Variants in RBL1 observed in about 807,000 individuals in gnomAD.
The protein encoded by RBL1 is retinoblastoma-like protein 1.
In RBL1, 82 loss-of-function variants were observed where a neutral mutation model predicts 123.0. The observed-to-expected ratio is 0.67, with a 90% CI of 0.56 to 0.80. The LOEUF (loss-of-function observed/expected upper bound fraction) is 0.80, where lower values mean the gene tolerates loss of function less well. Among genes scored for constraint, RBL1 ranks in the 30% least tolerant of loss-of-function variants. RBL1 has a pLI of 0.00. For missense variants in RBL1, 1,171 were observed against 1,299.6 expected, an observed-to-expected ratio of 0.90 and a Z score of 1.52; for synonymous variants, 405 against 441.3, an observed-to-expected ratio of 0.92 and a Z score of 1.03.
intron 21 of RBL1, among the ~76,000 whole-genome samples, chr20:37,003,185 G>C (rs778564671): frequency 6.6e-6 from 1 of 152,138 alleles, no homozygotes; most frequent in Non-Finnish European, 1.5e-5. Context: ...GACTTCTGGA[G>C]ACATACTGAA....
At chr20:37,040,675 T>C (rs2064708422) in intron 13 of RBL1, among the ~76,000 whole-genome samples, 1 of 152,202 alleles carries the variant, frequency 6.6e-6, no homozygotes, top group Non-Finnish European at 1.5e-5. Context: ...TCTTAACTTT[T>C]TTTTACTATT....
rs768773880 is a variant in RBL1 at position 37,020,701 on chromosome 20, T to A, written c.2589A>T (p.Glu863Asp). The change falls in exon 18 of 22, where the codon GAA becomes GAT. Residue 863 changes from glutamate to aspartate, a missense_variant. Transcript: ENST00000373664. ...KVTKEERTFQEIMKSYRNQPQ... is the reference protein window; with the variant it reads ...KVTKEERTFQDIMKSYRNQPQ... ...GCTGATTCCTATAACTTTTCATAAT[T>A]TCTTGAAAAGTTCTTTCTTCTTTTG... The A allele has an allele frequency of 1.3e-6, 2 of 1,589,356 alleles. No individual in the cohort carries two copies. The highest frequency in any genetic ancestry group is 4.5e-5 in the East Asian group (2 of 44,686).
rs1240828089 is a variant in RBL1 at position 37,040,221 on chromosome 20, A to T, written c.1835T>A (p.Met612Lys). The T allele has an allele frequency of 6.2e-7, 1 of 1,614,164 alleles. No individual in the cohort carries two copies. The highest frequency in any genetic ancestry group is 2.2e-5 in the East Asian group (1 of 44,880). Residue 612 changes from methionine to lysine, a missense_variant, in exon 14 of 22, where the codon ATG becomes AAG. Physicochemically the swap from Met to Lys is moderately conservative, Grantham distance 95. Transcript: ENST00000373664. Reference protein sequence around the residue: ...GGNVQGHLPLMPMSPLMHPRV... With the variant: ...GGNVQGHLPLKPMSPLMHPRV... ...TGGGTGCATTAGAGGAGACATTGGCATCAGGGGAAGATGTCCCTGCACATT... is the reference window on the plus strand; with the variant it reads ...TGGGTGCATTAGAGGAGACATTGGCTTCAGGGGAAGATGTCCCTGCACATT...
chr20:37,068,209 A>T (rs1397771630), intron 2 of RBL1, 23 bp from the exon 3 acceptor site: 6 of 1,532,200 alleles, frequency 3.9e-6, no homozygotes, highest in Non-Finnish European at 5.2e-6. Context: ...AGGAGGAGAA[A>T]AAAGGCACCT....
At chr20:37,078,896 G>A (rs1347115638) in intron 2 of RBL1, among the ~76,000 whole-genome samples, 1 of 151,546 alleles carries the variant, frequency 6.6e-6, no homozygotes, top group East Asian at 1.9e-4. Flanking sequence ...GGCGGGCAGG[G>A]GGAAGGTATA....
At chr20:37,078,063 A>T (rs1372673058) in intron 2 of RBL1, among the ~76,000 whole-genome samples, 1 of 152,162 alleles carries the variant, frequency 6.6e-6, no homozygotes, top group Non-Finnish European at 1.5e-5. Flanking sequence ...TATTTGTAGT[A>T]TGTCCCTAAT....
At chr20:37,090,154 C>A (rs376503124) in intron 1 of RBL1, among the ~76,000 whole-genome samples, 1 of 152,302 alleles carries the variant, frequency 6.6e-6, no homozygotes, top group East Asian at 1.9e-4. Context: ...CACATACTCA[C>A]CATTATAGTT....
At chr20:37,020,375 C>CTGTAT (rs1178481010) in intron 18 of RBL1, among the ~76,000 whole-genome samples, 2 of 152,092 alleles carry the variant, frequency 1.3e-5, no homozygotes, top group African/African-American at 4.8e-5. Context: ...AGGCGTGAGA[C>CTGTAT]ACCGCACCCA....
At chr20:37,057,884 G>A (rs867809077) in intron 9 of RBL1, among the ~76,000 whole-genome samples, 2 of 152,036 alleles carry the variant, frequency 1.3e-5, no homozygotes, top group African/African-American at 4.8e-5. Flanking sequence ...CCAGCACTTT[G>A]GGAGGCCAGG....
At chr20:37,001,226 C>A (rs1376885044) in intron 21 of RBL1, among the ~76,000 whole-genome samples, 5 of 151,720 alleles carry the variant, frequency 3.3e-5, no homozygotes, top group Admixed American at 3.3e-4. Context: ...AGTGAGGAGC[C>A]CCTCTGCCCG....
intron 3 of RBL1, 48 bp downstream of exon 3, chr20:37,067,938 G>A: frequency 6.4e-7 from 1 of 1,574,652 alleles, no homozygotes; most frequent in Non-Finnish European, 8.6e-7. Flanking sequence ...TATTCTCTTA[G>A]TTTGTATCAT....
intron 1 of RBL1, among the ~76,000 whole-genome samples, chr20:37,093,175 T>A (rs894677676): frequency 2.0e-5 from 3 of 151,930 alleles, no homozygotes; most frequent in Admixed American, 1.3e-4. Flanking sequence ...TAAGCAGGAG[T>A]TTGTCAGGTA....
intron 16 of RBL1, among the ~76,000 whole-genome samples, chr20:37,031,906 T>C (rs899072369): frequency 1.0e-5 from 1 of 96,376 alleles, no homozygotes; most frequent in African/African-American, 3.4e-5. Flanking sequence ...ACCTGGCTGC[T>C]TTTTTTTTTT....
intron 14 of RBL1, among the ~76,000 whole-genome samples, chr20:37,038,581 G>A (rs1249121378): frequency 6.7e-6 from 1 of 148,864 alleles, no homozygotes; most frequent in African/African-American, 2.5e-5. Context: ...TTACAGGAAT[G>A]AGCCACTGTG....
In RBL1 at chr20:37,003,625, GAAAA is replaced by G. The variant is rs533001306; in HGVS notation, c.3036+73_3036+76del. The stretch of plus-strand genomic sequence containing the variant: ...GTATAGTAGTAACTTGGCCAAAAAA[GAAAA>G]AAAAAAAAAGAGGCAGGATTAACAG... On this transcript the variant is annotated intron_variant, in intron 21 of 21. Coordinates refer to ENST00000373664, the MANE Select transcript of RBL1 (RefSeq NM_002895.5). The G allele has an allele frequency of 1.9e-5, 22 of 1,151,810 alleles. No individual in the cohort carries two copies. The South Asian group carries it at 4.5e-4, about 23-fold the overall frequency. 71.3% of individuals were successfully genotyped at this position (1,151,810 alleles called of 1,614,324 possible).
chr20:37,044,679 T>C (rs6124577), intron 12 of RBL1, among the ~76,000 whole-genome samples: 21,072 of 152,202 alleles, frequency 0.14, 2,170 homozygotes, highest in East Asian at 0.48. Flanking sequence ...AAGTCATCTT[T>C]GAACCATAAT....
chr20:37,022,558 C>T (rs2064357178), intron 17 of RBL1, 92 bp downstream of exon 17: 1 of 1,207,588 alleles, frequency 8.3e-7, no homozygotes, highest in Non-Finnish European at 1.1e-6. Context: ...AAATCCTGGG[C>T]TCAAGCTATC....
In RBL1 at chr20:37,061,243, T is replaced by C; in HGVS notation, c.1110A>G (p.Pro370=). 6.2e-7 allele frequency: 1 copy of C among 1,613,230 alleles called. No homozygotes were observed. Among genetic ancestry groups the C allele is most frequent in the South Asian group, 1.1e-5 (1 of 90,768 alleles). Residue 370 remains proline (P), a synonymous_variant, in exon 9 of 22, where the codon CCA becomes CCG. Coordinates refer to ENST00000373664, the MANE Select transcript of RBL1 (RefSeq NM_002895.5). The stretch of plus-strand genomic sequence containing the variant: ...CTCGTAAATATCTCCGTCCGGTCAG[T>C]GGGGTAGAAGGTGCAAATGACCTTT... The part of the protein sequence containing the change: ...EKKRSFAPST[P]LTGRRYLREK...
At position 37,022,804 on chromosome 20, in the gene RBL1, C is replaced by T. The variant is rs1350357664; in HGVS notation, c.2405G>A (p.Arg802His). 7.5e-6 allele frequency: 12 copies of T among 1,610,466 alleles called. No individual in the cohort carries two copies. The highest frequency in any genetic ancestry group is 1.7e-5 in the Admixed American group (1 of 59,432). The change falls in exon 17 of 22, where the codon CGC becomes CAC. Residue 802 changes from arginine (R) to histidine (H), a missense_variant. By Grantham distance (29) the Arg-to-His change is conservative. Coordinates refer to ENST00000373664, the MANE Select transcript of RBL1 (RefSeq NM_002895.5). ...YRKVYHLASV[R>H]LRDLCLKLDV... The stretch of plus-strand genomic sequence containing the variant: ...CAGTTTTAGACATAGATCACGTAAG[C>T]GTACACTTGCCAAATGATAGACCTA...
Sources: gnomAD v4.1 joint callset for allele counts (sites outside exome capture counted in the v4.1 genomes callset) on GRCh38, gnomAD v4.1.1 for gene constraint, MANE v1.5 for transcripts, NCBI Gene and HGNC (gene_info 2026-07-23, HGNC 2026-07-21) for gene names.